Variants in MAN2B1 observed in about 807,000 individuals in gnomAD.
The protein encoded by MAN2B1 is lysosomal alpha-mannosidase.
Under a neutral mutation model 127.5 loss-of-function variants are expected in MAN2B1, and 99 were observed. The observed-to-expected ratio is 0.78, with a 90% confidence interval of 0.66 to 0.92. The LOEUF (loss-of-function observed/expected upper bound fraction) is 0.92. MAN2B1 is among the 40% of genes least tolerant of loss of function. MAN2B1 has a pLI of 0.00. For missense variants in MAN2B1, 1,304 were observed against 1,384.8 expected (o/e 0.94, Z 0.93); for synonymous variants, 573 against 568.8 (o/e 1.01, Z -0.11).
chr19:12,665,378 TC>T lies in MAN2B1; in HGVS notation c.409del (p.Glu137LysfsTer20). On this transcript the variant is annotated frameshift_variant, in exon 3 of 24. Transcript: ENST00000456935. LOFTEE classifies it high-confidence loss of function. Reference protein sequence around the residue: ...WWHQQTNATQEVVRDLVRQGR... With the variant: ...WWHQQTNATQXVVRDLVRQGR... ...CTGGCGCACAAGGTCTCGCACGACT[TC>T]CTGTGTGGCATTTGTCTGCTGGTGC... 1.2e-6 allele frequency: 2 copies of T among 1,609,760 alleles called. No homozygotes were observed. Among genetic ancestry groups the T allele is most frequent in the Non-Finnish European group, 1.7e-6 (2 of 1,179,986 alleles).
At chr19:12,657,744 G>A (rs2024003218) in intron 10 of MAN2B1, 189 bp from the exon 11 acceptor site, 2 of 644,756 alleles carry the variant, frequency 3.1e-6, no homozygotes, top group Non-Finnish European at 2.8e-6. Context: ...GGATCACGAG[G>A]TCAGATCGAG....
At chr19:12,649,095 T>A (rs1314368675) in intron 20 of MAN2B1, 41 bp downstream of exon 20, 23 of 1,561,516 alleles carry the variant, frequency 1.5e-5, no homozygotes, top group Non-Finnish European at 2.0e-5. Flanking sequence ...GGGGTCCAGG[T>A]TGGGAGGACC....
In MAN2B1 at chr19:12,665,447, C is replaced by T. The variant is rs767229069; in HGVS notation, c.341G>A (p.Arg114His). The change falls in exon 3 of 24, where the codon CGT (arginine) becomes CAT (histidine). Residue 114 changes from arginine to histidine, a missense_variant. Physicochemically the swap from Arg to His is conservative, Grantham distance 29. Coordinates refer to ENST00000456935, the MANE Select transcript of MAN2B1 (RefSeq NM_000528.4). ...VISALLADPT[R>H]RFIYVEIAFF... Reference sequence around the variant, plus strand: ...GGCAATCTCCACGTAAATGAAGCGACGGGTGGGATCTGCCAGCAAGGCAGA... The same window carrying T: ...GGCAATCTCCACGTAAATGAAGCGATGGGTGGGATCTGCCAGCAAGGCAGA... 9 of 1,613,922 alleles carry T rather than the reference C, an allele frequency of 5.6e-6. No homozygotes were observed. Among genetic ancestry groups the T allele is most frequent in the Non-Finnish European group, 3.4e-6 (4 of 1,180,042 alleles).
At chr19:12,652,020 G>A (rs1431460146) in intron 16 of MAN2B1, 133 bp downstream of exon 16, 12 of 769,536 alleles carry the variant, frequency 1.6e-5, no homozygotes, top group Non-Finnish European at 2.6e-5. Context: ...CCGCTGATCT[G>A]TGGGTCTTAG....
At chr19:12,649,636 C>T (rs2023792761) in intron 18 of MAN2B1, among the ~76,000 whole-genome samples, 1 of 151,884 alleles carries the variant, frequency 6.6e-6, no homozygotes, top group East Asian at 1.9e-4. Context: ...TGCCCGCCAC[C>T]ACACCCGGCT....
chr19:12,647,660 G>A lies in MAN2B1; in HGVS notation c.2665-62C>T, dbSNP rs2023726071. 3 of 1,464,868 alleles carry A rather than the reference G, an allele frequency of 2.0e-6. No individual in the cohort carries two copies. Among genetic ancestry groups the A allele is most frequent in the African/African-American group, 2.8e-5 (2 of 71,734 alleles). The allele number at this position is 1,464,868 out of a possible 1,614,324, so 90.7% of individuals were successfully genotyped here. ...CGGGGCCTGGATGGAGAAGGGCGGGGCCGAGCCAGGTCAGGAGGCAGGGCT... is the reference window on the plus strand; with the variant it reads ...CGGGGCCTGGATGGAGAAGGGCGGGACCGAGCCAGGTCAGGAGGCAGGGCT... On this transcript the variant is annotated intron_variant, in intron 21 of 23. Transcript: ENST00000456935. The surrounding 1 kb of genome is among the most constrained non-coding windows in gnomAD (Gnocchi z 4.9).
intron 1 of MAN2B1, among the ~76,000 whole-genome samples, 163 bp downstream of exon 1, chr19:12,666,380 G>A (rs2145293121): frequency 6.6e-6 from 1 of 152,200 alleles, no homozygotes; most frequent in African/African-American, 2.4e-5. Flanking sequence ...ACTCAGATGC[G>A]CACAGCCAGA....
At chr19:12,651,864 G>A (rs1427827629) in intron 16 of MAN2B1, among the ~76,000 whole-genome samples, 1 of 152,146 alleles carries the variant, frequency 6.6e-6, no homozygotes, top group African/African-American at 2.4e-5. Flanking sequence ...GGGCCAAGTG[G>A]GAATGCCCCA....
intron 7 of MAN2B1, 53 bp from the exon 8 acceptor site, chr19:12,658,563 G>T: frequency 2.0e-6 from 3 of 1,508,220 alleles, no homozygotes; most frequent in Non-Finnish European, 1.8e-6. Flanking sequence ...CTTCCTGGGG[G>T]CCCACACTTC....
rs1273703019 is a variant in MAN2B1, at chr19:12,659,353, G to A, written c.1027-843C>T. Among the ~76,000 whole-genome samples the A allele has an allele frequency of 2.0e-5, 3 of 149,020 alleles. No homozygotes were observed. In the East Asian group the frequency reaches 5.9e-4, roughly 30 times the overall value. On this transcript the variant is annotated intron_variant, in intron 7 of 23. Transcript: ENST00000456935. ...GTCTGACTCTGTCGCCCAAGCTGGA[G>A]TGCAGTGGCACGATCTCAGCTGGCT...
At chr19:12,648,722 C>T (rs568604852) in intron 20 of MAN2B1, among the ~76,000 whole-genome samples, 3 of 152,032 alleles carry the variant, frequency 2.0e-5, no homozygotes, top group Non-Finnish European at 2.9e-5. Context: ...TGGCCGGGAG[C>T]GGTGGTTCAC....
rs551744321 is a variant in MAN2B1, at chr19:12,657,697, G to A, written c.1310-142C>T. 5.6e-5 allele frequency: 43 copies of A among 761,284 alleles called. 1 individual carries two copies. The highest frequency in any genetic ancestry group is 2.4e-4 in the African/African-American group (14 of 58,138). 47.2% of individuals were successfully genotyped at this position (761,284 alleles called of 1,614,324 possible). On this transcript the variant is annotated intron_variant, in intron 10 of 23. Transcript: ENST00000456935. ...AGGACGGCTGGGGGCGGTGGCTCAC[G>A]CCTGTAATCCCAGCACTTTGAGAGA...
In MAN2B1 at chr19:12,648,387, G is replaced by A. The variant is rs1229633454; in HGVS notation, c.2452C>T (p.Leu818=). 1.9e-6 allele frequency: 3 copies of A among 1,612,696 alleles called. No homozygotes were observed. Among genetic ancestry groups the A allele is most frequent in the Non-Finnish European group, 8.5e-7 (1 of 1,179,218 alleles). The part of the protein sequence containing the change: ...SLELMVHRRL[L]KDDGRGVSEP... The stretch of plus-strand genomic sequence containing the variant: ...GATACTCCGCGTCCATCGTCCTTCA[G>A]CAGCCTTCGGTGCACCTGGGGGGAG... The change falls in exon 21 of 24, where the codon CTG becomes TTG. Residue 818 remains leucine, a synonymous_variant. Transcript: ENST00000456935.
chr19:12,655,267 C>T (rs1309512112), intron 14 of MAN2B1, among the ~76,000 whole-genome samples: 1 of 152,204 alleles, frequency 6.6e-6, no homozygotes, highest in Non-Finnish European at 1.5e-5. Flanking sequence ...ACACTGAGCT[C>T]CTTGTGGCTC....
chr19:12,658,378 G>A (rs1219816673), intron 8 of MAN2B1, 34 bp from the exon 9 acceptor site: 1 of 1,614,232 alleles, frequency 6.2e-7, no homozygotes, highest in Non-Finnish European at 8.5e-7. Flanking sequence ...GCAGGGTCAT[G>A]ACCCACGGGG....
At chr19:12,664,692 TG>T in intron 4 of MAN2B1, 99 bp downstream of exon 4, 1 of 1,271,990 alleles carries the variant, frequency 7.9e-7, no homozygotes, top group Non-Finnish European at 1.1e-6. Context: ...GGCCTGGGCC[TG>T]GTCCTTGTGA....
intron 18 of MAN2B1, among the ~76,000 whole-genome samples, chr19:12,649,648 A>AT (rs969913106): frequency 7.9e-5 from 12 of 151,102 alleles, no homozygotes; most frequent in African/African-American, 2.4e-4. Flanking sequence ...CACCCGGCTG[A>AT]TTTTTTTGTA....
In MAN2B1 at chr19:12,650,185, G is replaced by C. The variant is rs754017897; in HGVS notation, c.2084C>G (p.Ala695Gly). 15 of 1,613,952 alleles carry C rather than the reference G, an allele frequency of 9.3e-6. No homozygotes were observed. Among genetic ancestry groups the C allele is most frequent in the Non-Finnish European group, 1.0e-5 (12 of 1,179,990 alleles). The change falls in exon 17 of 24, where the codon GCT (alanine) becomes GGT (glycine). Residue 695 changes from alanine to glycine, a missense_variant. Ala to Gly is a moderately conservative substitution (Grantham distance 60). Transcript: ENST00000456935. ...CAGGCGAACCACCTGGGAACACCAA[G>C]CTGAGAAGTTCTGGTGCACCTCCTG... Reference protein sequence around the residue: ...LVQEVHQNFSAWCSQVVRLYP... With the variant: ...LVQEVHQNFSGWCSQVVRLYP...
At chr19:12,652,887 T>C (rs918994950) in intron 14 of MAN2B1, among the ~76,000 whole-genome samples, 1 of 151,526 alleles carries the variant, frequency 6.6e-6, no homozygotes, top group Non-Finnish European at 1.5e-5. Context: ...CAGGCTGGAG[T>C]GCAGGGGCGC....
Sources: gnomAD v4.1 joint callset for allele counts (sites outside exome capture counted in the v4.1 genomes callset) on GRCh38, gnomAD v4.1.1 for gene constraint, Gnocchi (gnomAD v3.1) non-coding constraint, MANE v1.5 for transcripts, NCBI Gene and HGNC (gene_info 2026-07-23, HGNC 2026-07-21) for gene names.